The following CLK1 variants were observed in gnomAD, a reference collection of about 807,000 sequenced individuals.
CLK1 encodes CDC like kinase 1, also known as dual specificity protein kinase CLK1.
Under a neutral mutation model 60.9 loss-of-function variants are expected in CLK1, and 40 were observed. That is an observed-to-expected ratio of 0.66 (90% CI 0.51 to 0.86). The LOEUF (loss-of-function observed/expected upper bound fraction) is 0.86. Ranked by LOEUF, CLK1 falls within the 40% of genes least tolerant of loss-of-function variation. The probability of loss-of-function intolerance (pLI) is 0.00; values close to 1 mark genes in which losing one functional copy is unlikely to be tolerated. For missense variants in CLK1, 563 were observed against 606.1 expected, an observed-to-expected ratio of 0.93 and a Z score of 0.75; for synonymous variants, 203 against 184.4, an observed-to-expected ratio of 1.10 and a Z score of -0.82.
rs2105736596 is a variant in CLK1, at chr2:200,856,898, G to T, written c.920C>A (p.Pro307His). The T allele has an allele frequency of 6.2e-7, 1 of 1,614,014 alleles. No individual in the cohort carries two copies. The highest frequency in any genetic ancestry group is 2.2e-5 in the East Asian group (1 of 44,886). The change falls in exon 8 of 13, where the codon CCC becomes CAC. Residue 307 changes from proline (P) to histidine (H), a missense_variant. Transcript: ENST00000321356. ...VQSDYTEAYNPKIKRDERTLI... is the reference protein window; with the variant it reads ...VQSDYTEAYNHKIKRDERTLI... ...ATATTTTGGAAGACTTACTATTTTG[G>T]GATTATACGCCTCTGTGTAGTCAGA... is the stretch of plus-strand genomic sequence containing the variant.
In CLK1 at chr2:200,860,135, T is replaced by G. The variant is rs1245211828; in HGVS notation, c.471A>C (p.Leu157=). ...GHLICQSGDV[L]SARYEIVDTL... ...AAAAATATTCTATACATCTTGCACT[T>G]AGTACGTCTCCACTCTGACAGATCA... The change falls in exon 4 of 13, where the codon CTA becomes CTC. Residue 157 remains leucine (L), a synonymous_variant. Transcript: ENST00000321356. The G allele has an allele frequency of 1.9e-6, 3 of 1,613,816 alleles. No individual in the cohort carries two copies. Among genetic ancestry groups the G allele is most frequent in the Non-Finnish European group, 2.5e-6 (3 of 1,179,818 alleles).
rs532247548 is a variant in CLK1, at chr2:200,861,770, CCTT to C, written c.90_92del (p.Arg31del). 60 of 1,613,998 alleles carry C rather than the reference CCTT, an allele frequency of 3.7e-5. No individual in the cohort carries two copies. Among genetic ancestry groups the C allele is most frequent in the Non-Finnish European group, 4.8e-5 (57 of 1,179,998 alleles). On this transcript the variant is annotated inframe_deletion, in exon 2 of 13. Coordinates refer to ENST00000321356, the MANE Select transcript of CLK1 (RefSeq NM_004071.4). ...CCTGGGCACTGCTATGTGATCTCTT[CCTT>C]CTTTTATGACTGCTGCTGCTCCTCC... is the stretch of plus-strand genomic sequence containing the variant.
At chr2:200,861,678 A>G in intron 2 of CLK1, 24 bp downstream of exon 2, 1 of 1,612,296 alleles carries the variant, frequency 6.2e-7, no homozygotes, top group South Asian at 1.1e-5. Context: ...TGTTATATTC[A>G]GACATTTTAA....
intron 3 of CLK1, 145 bp downstream of exon 3, chr2:200,861,093 A>G: frequency 6.9e-7 from 1 of 1,451,032 alleles, no homozygotes; most frequent in Non-Finnish European, 9.0e-7. Context: ...TTCCTATCCA[A>G]TGCACAAACA....
chr2:200,857,641 TAC>T (rs1320005125), intron 7 of CLK1, 75 bp downstream of exon 7: 5 of 1,226,576 alleles, frequency 4.1e-6, no homozygotes, highest in African/African-American at 1.5e-5. Flanking sequence ...ATAAAAATTG[TAC>T]ACACTTAGGA....
In CLK1 at chr2:200,857,987, G is replaced by C; in HGVS notation, c.651C>G (p.Asp217Glu). Residue 217 changes from aspartate (D) to glutamate (E), a missense_variant, in exon 6 of 13, where the codon GAC (aspartate) becomes GAG (glutamate). Physicochemically the swap from Asp to Glu is conservative, Grantham distance 45 (BLOSUM62 2). Around this residue, in one of 3 missense-constraint regions of CLK1, gnomAD observed 360 missense variants for 407.0 expected, o/e 0.88. Transcript: ENST00000321356. Reference sequence around the variant, plus strand: ...CTGATACTTACAAAGTACTGTTGGGGTCTGTTGTATTCAGATGTTCCAGAA... The same window carrying C: ...CTGATACTTACAAAGTACTGTTGGGCTCTGTTGTATTCAGATGTTCCAGAA... ...IQVLEHLNTT[D>E]PNSTFRCVQM... 1 of 1,613,514 alleles carries C rather than the reference G, an allele frequency of 6.2e-7. No individual in the cohort carries two copies. Among genetic ancestry groups the C allele is most frequent in the Non-Finnish European group, 8.5e-7 (1 of 1,179,546 alleles).
At position 200,853,918 on chromosome 2, in the gene CLK1, G is replaced by C. The variant is rs2038993845; in HGVS notation, c.1296C>G (p.Arg432=). ...HSSAGRYVSR[R]CKPLKEFMLS... ...AAAGGCTTACCTTCAGAGGTTTACA[G>C]CGTCTTGAAACATATCTGCCGGCAG... The change falls in exon 12 of 13, where the codon CGC becomes CGG. Residue 432 remains arginine (R), a synonymous_variant. Transcript: ENST00000321356. 5 of 1,611,068 alleles carry C rather than the reference G, an allele frequency of 3.1e-6. No homozygotes were observed. The highest frequency in any genetic ancestry group is 3.4e-6 in the Non-Finnish European group (4 of 1,178,362).
chr2:200,864,459 G>C (rs893003783), intron 1 of CLK1, 105 bp downstream of exon 1: 3 of 511,990 alleles, frequency 5.9e-6, no homozygotes, highest in Non-Finnish European at 9.9e-6. Flanking sequence ...TCGTCGCGCC[G>C]GGGACGGCGG....
Position 200,864,048 on chromosome 2 carries a change from A to G in CLK1, c.-1+516T>C, listed in dbSNP as rs1013717666. The G allele has an allele frequency of 2.0e-6, 3 of 1,487,870 alleles. No individual in the cohort carries two copies. The African/African-American group carries it at 4.3e-5, about 21-fold the overall frequency. 92.2% of individuals were successfully genotyped at this position (1,487,870 alleles called of 1,614,324 possible). ...TCGCGATGTTTACGCCGACACTTTC[A>G]TCATTAGACATTAACTGTAACCCCT... On this transcript the variant is annotated intron_variant, in intron 1 of 12. Transcript: ENST00000321356.
At chr2:200,864,262 C>G in intron 1 of CLK1, 1 of 1,507,004 alleles carries the variant, frequency 6.6e-7, no homozygotes, top group Non-Finnish European at 8.8e-7. Flanking sequence ...CAACATGGCG[C>G]CCGCCCGACC....
At chr2:200,858,786 T>TA (rs2039085060) in intron 5 of CLK1, among the ~76,000 whole-genome samples, 1 of 149,302 alleles carries the variant, frequency 6.7e-6, no homozygotes, top group Non-Finnish European at 1.5e-5. Context: ...TGCTTTGCCA[T>TA]TCAGGAAGAG....
At chr2:200,863,245 G>A (rs2039170580) in intron 1 of CLK1, 1 of 152,120 alleles carries the variant, frequency 6.6e-6, no homozygotes, top group Non-Finnish European at 1.5e-5. Flanking sequence ...CATTGGACCA[G>A]CCTGAGTATA....
intron 2 of CLK1, 66 bp downstream of exon 2, chr2:200,861,636 T>G: frequency 6.3e-7 from 1 of 1,583,032 alleles, no homozygotes; most frequent in Non-Finnish European, 8.6e-7. Context: ...GGTACTTATT[T>G]TAAGTGATAC....
chr2:200,858,082 T>G lies in CLK1; in HGVS notation c.556A>C (p.Arg186=). The G allele has an allele frequency of 6.2e-7, 1 of 1,602,582 alleles. No homozygotes were observed. Among genetic ancestry groups the G allele is most frequent in the South Asian group, 1.1e-5 (1 of 90,870 alleles). The change falls in exon 6 of 13, where the codon AGA becomes CGA. Residue 186 remains arginine (R), a synonymous_variant. Transcript: ENST00000321356. ...TTAACTATTTTTACTGCTACATGTC[T>G]ACCTCCCCTGTTAGAAAGATGCATG... is the stretch of plus-strand genomic sequence containing the variant. The part of the protein sequence containing the change: ...VECIDHKAGG[R]HVAVKIVKNV...
In CLK1 at chr2:200,853,311, T is replaced by C. The variant is rs1429818746; in HGVS notation, c.1450A>G (p.Ile484Val). Residue 484 changes from isoleucine (I) to valine (V), a missense_variant, in exon 13 of 13, where the codon ATA becomes GTA. By Grantham distance (29) the Ile-to-Val change is conservative. Around this residue, in one of 3 missense-constraint regions of CLK1, gnomAD observed 360 missense variants for 407.0 expected, o/e 0.88. Coordinates refer to ENST00000321356, the MANE Select transcript of CLK1 (RefSeq NM_004071.4). ...HPFFDLLKKS[I>V] Reference sequence around the variant, plus strand: ...AGAGCTGTCCAATTACAGATCTATATACTTTTCTTCAGAAGGTCAAAGAAA... The same window carrying C: ...AGAGCTGTCCAATTACAGATCTATACACTTTTCTTCAGAAGGTCAAAGAAA... 2 of 1,609,592 alleles carry C rather than the reference T, an allele frequency of 1.2e-6. No homozygotes were observed. Among genetic ancestry groups the C allele is most frequent in the African/African-American group, 1.3e-5 (1 of 74,640 alleles).
intron 3 of CLK1, chr2:200,860,725 G>T: frequency 1.0e-6 from 1 of 998,422 alleles, no homozygotes; most frequent in Non-Finnish European, 1.2e-6. Flanking sequence ...TAACACTACG[G>T]CATTTTTAAT....
Position 200,856,873 on chromosome 2 carries a change from ATATTTTGGAAGACTTAC to A in CLK1, c.927+1_927+17del, listed in dbSNP as rs1384201737. ...TATTAAGGCATAAGATACTTTATGAATATTTTGGAAGACTTACTATTTTGGGATTATACGCCTCTGTG... is the reference window on the plus strand; with the variant it reads ...TATTAAGGCATAAGATACTTTATGAATATTTTGGGATTATACGCCTCTGTG... On this transcript the variant is annotated splice_donor_variant and splice_donor_5th_base_variant and intron_variant, in intron 8 of 12. Transcript: ENST00000321356. LOFTEE classifies it high-confidence loss of function. The A allele has an allele frequency of 6.2e-7, 1 of 1,613,874 alleles. No individual in the cohort carries two copies. The highest frequency in any genetic ancestry group is 1.3e-5 in the African/African-American group (1 of 74,932).
intron 1 of CLK1, 24 bp from the exon 2 acceptor site, chr2:200,861,886 T>C (rs762656231): frequency 3.1e-6 from 5 of 1,610,674 alleles, no homozygotes; most frequent in Non-Finnish European, 4.2e-6. Flanking sequence ...AAGTTTTTCC[T>C]AGTTAAATTG....
chr2:200,863,077 G>A (rs1376530504), intron 1 of CLK1: 1 of 152,076 alleles, frequency 6.6e-6, no homozygotes, highest in Non-Finnish European at 1.5e-5. Context: ...ACATTATACA[G>A]AAATTACTTC....
Sources: gnomAD v4.1 joint callset for allele counts (sites outside exome capture counted in the v4.1 genomes callset) on GRCh38, gnomAD v4.1.1 for gene constraint, gnomAD v4.1.1 regional missense constraint, MANE v1.5 for transcripts, NCBI Gene and HGNC (gene_info 2026-07-23, HGNC 2026-07-21) for gene names.